LYPLAL1: variants seen among roughly 807,000 people sequenced by gnomAD.
The protein encoded by LYPLAL1 is lysophospholipase like 1, also known as lysophospholipase-like protein 1.
In LYPLAL1, 23 loss-of-function variants were observed where a neutral mutation model predicts 19.7. That is an observed-to-expected ratio of 1.17 (90% confidence interval 0.84 to 1.65). LYPLAL1 has a LOEUF of 1.65. Among genes scored for constraint, LYPLAL1 ranks in the 40% most tolerant of loss-of-function variants. The pLI is 0.00. For missense variants in LYPLAL1, 355 were observed against 279.4 expected, an observed-to-expected ratio of 1.27 and a Z score of -1.93; for synonymous variants, 119 against 96.3, an observed-to-expected ratio of 1.24 and a Z score of -1.38.
chr1:219,393,918 A>G, the LYPLAL1 span, among the ~76,000 whole-genome samples: 4 of 151,726 alleles, frequency 2.6e-5, no homozygotes, highest in Non-Finnish European at 4.4e-5. Flanking sequence ...CATGAAAAAT[A>G]TGTTCTACTA....
At chr1:219,276,658 G>A in the LYPLAL1 span, among the ~76,000 whole-genome samples, 7 of 152,138 alleles carry the variant, frequency 4.6e-5, no homozygotes, top group Admixed American at 4.6e-4. Context: ...TGGGGAATAC[G>A]ACAAATAAAG....
chr1:219,230,709 C>T, the LYPLAL1 span, among the ~76,000 whole-genome samples: 2 of 152,226 alleles, frequency 1.3e-5, no homozygotes, highest in South Asian at 4.1e-4. Context: ...TCAGTTGGTT[C>T]TTAATGCCTA....
the LYPLAL1 span, among the ~76,000 whole-genome samples, chr1:219,350,834 A>G: frequency 6.6e-6 from 1 of 152,324 alleles, no homozygotes; most frequent in Non-Finnish European, 1.5e-5. Flanking sequence ...ATGAATATGA[A>G]TAACATCTGT....
chr1:219,281,001 A>G, the LYPLAL1 span, among the ~76,000 whole-genome samples: 1 of 152,208 alleles, frequency 6.6e-6, no homozygotes, highest in Non-Finnish European at 1.5e-5. Context: ...GTGGGCTGAG[A>G]TCGCACCACT....
At chr1:219,181,116 C>A (rs1454439701) in intron 2 of LYPLAL1, among the ~76,000 whole-genome samples, 2 of 151,988 alleles carry the variant, frequency 1.3e-5, no homozygotes, top group African/African-American at 4.8e-5. Flanking sequence ...TTATTTAACC[C>A]AGTATATTCA....
At chr1:219,191,331 T>C (rs961723815) in intron 2 of LYPLAL1, among the ~76,000 whole-genome samples, 1 of 151,604 alleles carries the variant, frequency 6.6e-6, no homozygotes, top group African/African-American at 2.4e-5. Flanking sequence ...TCTTAGTGGC[T>C]AAAAGCTGGG....
At chr1:219,191,497 A>G (rs909343947) in intron 2 of LYPLAL1, among the ~76,000 whole-genome samples, 5 of 151,680 alleles carry the variant, frequency 3.3e-5, no homozygotes, top group African/African-American at 1.2e-4. Flanking sequence ...CATGATGCAC[A>G]TAATAGAATC....
the LYPLAL1 span, among the ~76,000 whole-genome samples, chr1:219,290,324 A>G: frequency 6.6e-6 from 1 of 152,194 alleles, no homozygotes; most frequent in Middle Eastern, 3.2e-3. Flanking sequence ...AGGGCTAGGA[A>G]AAATGAGGCT....
At chr1:219,235,148 G>C in the LYPLAL1 span, among the ~76,000 whole-genome samples, 6 of 152,058 alleles carry the variant, frequency 3.9e-5, no homozygotes, top group Non-Finnish European at 8.8e-5. Context: ...TATTATTGGG[G>C]CTTGACTGCA....
chr1:219,324,734 T>C, the LYPLAL1 span, among the ~76,000 whole-genome samples: 1 of 151,998 alleles, frequency 6.6e-6, no homozygotes, highest in Non-Finnish European at 1.5e-5. Context: ...TGTTGGTGAG[T>C]GTGTGTTGAG....
chr1:219,198,984 A>T (rs1346995683), intron 3 of LYPLAL1, among the ~76,000 whole-genome samples: 1 of 152,184 alleles, frequency 6.6e-6, no homozygotes, highest in Non-Finnish European at 1.5e-5. Context: ...ATCATAATAT[A>T]TGTGGCAACC....
chr1:219,361,819 T>C, the LYPLAL1 span, among the ~76,000 whole-genome samples: 1 of 152,170 alleles, frequency 6.6e-6, no homozygotes, highest in Non-Finnish European at 1.5e-5. Flanking sequence ...GGATTGAGCT[T>C]GGAGAGAACT....
At chr1:219,431,511 C>G in the LYPLAL1 span, among the ~76,000 whole-genome samples, 7 of 152,218 alleles carry the variant, frequency 4.6e-5, no homozygotes, top group Non-Finnish European at 2.9e-5. Context: ...TTTTCAGTGT[C>G]TTCAGACCTT....
chr1:219,298,174 G>A, the LYPLAL1 span, among the ~76,000 whole-genome samples: 3 of 152,112 alleles, frequency 2.0e-5, no homozygotes, highest in African/African-American at 7.2e-5. Flanking sequence ...GTCAGGCATG[G>A]TGGTGTGCAC....
At chr1:219,441,036 G>A in the LYPLAL1 span, among the ~76,000 whole-genome samples, 1 of 152,146 alleles carries the variant, frequency 6.6e-6, no homozygotes, top group African/African-American at 2.4e-5. Flanking sequence ...GGACAGAAAA[G>A]CATGATACGT....
chr1:219,358,085 A>G, the LYPLAL1 span, among the ~76,000 whole-genome samples: 2 of 152,312 alleles, frequency 1.3e-5, no homozygotes, highest in South Asian at 4.1e-4. Context: ...TGGATACATG[A>G]CATGATGCTA....
chr1:219,223,571 T>C, the LYPLAL1 span, among the ~76,000 whole-genome samples: 2 of 152,202 alleles, frequency 1.3e-5, no homozygotes, highest in African/African-American at 4.8e-5. Flanking sequence ...GGCCTTTAGT[T>C]TTCTATTTGG....
chr1:219,241,128 C>CTATA, the LYPLAL1 span, among the ~76,000 whole-genome samples: 87 of 81,238 alleles, frequency 1.1e-3, no homozygotes, highest in Admixed American at 2.4e-3. Context: ...CTCTCTCTCT[C>CTATA]TCTCTCTATA....
chr1:219,380,605 C>T, the LYPLAL1 span, among the ~76,000 whole-genome samples: 41,842 of 152,126 alleles, frequency 0.28, 6,372 homozygotes, highest in Admixed American at 0.36. Flanking sequence ...CCACAGATGC[C>T]GCTGTAACTT....
Sources: allele counts gnomAD v4.1 joint callset (sites outside exome capture counted in the v4.1 genomes callset), GRCh38; gene constraint gnomAD v4.1.1; transcripts MANE v1.5; gene names NCBI Gene and HGNC (gene_info 2026-07-23, HGNC 2026-07-21).